Variants in UNC45A observed in about 807,000 individuals in gnomAD.
UNC45A encodes protein unc-45 homolog A.
UNC45A carries 78 observed loss-of-function variants against 103.2 expected under a neutral mutation model. The ratio of observed to expected loss-of-function variants is 0.76; its 90% CI spans 0.63 to 0.91. UNC45A has a LOEUF of 0.91. UNC45A is among the 40% of genes least tolerant of loss of function. UNC45A has a pLI of 0.00. For synonymous variants in UNC45A, 495 were observed against 504.6 expected, an observed-to-expected ratio of 0.98 and a Z score of 0.25; for missense variants, 1,193 against 1,224.8, an observed-to-expected ratio of 0.97 and a Z score of 0.39.
Position 90,939,583 on chromosome 15 carries a change from T to C in UNC45A, c.427-148T>C, listed in dbSNP as rs998271814. On this transcript the variant is annotated intron_variant, in intron 4 of 19. Transcript: ENST00000418476. The stretch of plus-strand genomic sequence containing the variant: ...TAGGAGGCACTGCCAGGCAAGTCTC[T>C]TCCTGCCCAGGGTAGCTAGGTGCTA... The C allele has an allele frequency of 4.0e-5, 29 of 721,706 alleles. No individual in the cohort carries two copies. The African/African-American group carries it at 4.1e-4, about 10-fold the overall frequency. 44.7% of individuals were successfully genotyped at this position (721,706 alleles called of 1,614,324 possible). A position where few individuals can be genotyped will look rare whatever the true frequency, so the allele number is the denominator to read the frequency against.
At chr15:90,943,140 G>A in intron 8 of UNC45A, 58 bp downstream of exon 8, 2 of 1,534,240 alleles carry the variant, frequency 1.3e-6, no homozygotes, top group Non-Finnish European at 1.8e-6. Flanking sequence ...TTATTCTTAG[G>A]AGTAATAAGA....
chr15:90,932,916 C>G (rs2035855254), upstream of UNC45A: 1 of 200,526 alleles, frequency 5.0e-6, no homozygotes, highest in South Asian at 1.9e-4. Flanking sequence ...AAGAACAATC[C>G]CCACACCCTC....
At chr15:90,936,835 T>A (rs748394812) in intron 4 of UNC45A, among the ~76,000 whole-genome samples, 6 of 152,224 alleles carry the variant, frequency 3.9e-5, no homozygotes, top group Non-Finnish European at 8.8e-5. Flanking sequence ...GCTGTTTCTC[T>A]CAGAGAAACC....
chr15:90,931,777 G>T (rs779117867), upstream of UNC45A: 2 of 1,614,102 alleles, frequency 1.2e-6, no homozygotes, highest in South Asian at 2.2e-5. Flanking sequence ...TGGCCCCGGG[G>T]CTACTGTGGG....
chr15:90,931,716 A>G, upstream of UNC45A: 1 of 1,614,084 alleles, frequency 6.2e-7, no homozygotes, highest in Non-Finnish European at 8.5e-7. Flanking sequence ...TCTGGGGTGC[A>G]GCGATTCAGG....
At position 90,950,497 on chromosome 15, in the gene UNC45A, C is replaced by G; in HGVS notation, c.2188-3C>G. The G allele has an allele frequency of 6.2e-7, 1 of 1,613,740 alleles. No homozygotes were observed. Among genetic ancestry groups the G allele is most frequent in the East Asian group, 2.2e-5 (1 of 44,882 alleles). On this transcript the variant is annotated splice_polypyrimidine_tract_variant and splice_region_variant and intron_variant, in intron 16 of 19. Transcript: ENST00000418476. ...CCCCTGACAGGTGGGGTGCACATTG[C>G]AGATCTATGAGGTGGTCCGGCCCCT...
rs2037081384 is a variant in UNC45A, at chr15:90,954,001, T to G, written c.*285T>G. 2.1e-6 allele frequency: 1 copy of G among 465,744 alleles called. No individual in the cohort carries two copies. The highest frequency in any genetic ancestry group is 4.0e-6 in the Non-Finnish European group (1 of 253,038). 28.9% of individuals were successfully genotyped at this position (465,744 alleles called of 1,614,324 possible). Reference sequence around the variant, plus strand: ...GCATCCCAACACAGCCTGTGGATCCTGGGGCATCTGGAAGGGCGCACACAT... The same window carrying G: ...GCATCCCAACACAGCCTGTGGATCCGGGGGCATCTGGAAGGGCGCACACAT... On this transcript the variant is annotated 3_prime_UTR_variant, in exon 20 of 20. Transcript: ENST00000418476.
At chr15:90,949,628 T>C (rs2036779005) in intron 14 of UNC45A, 26 bp from the exon 15 acceptor site, 1 of 1,613,576 alleles carries the variant, frequency 6.2e-7, no homozygotes, top group African/African-American at 1.3e-5. Context: ...CAGAGCTGCC[T>C]GCCCACCACC....
intron 17 of UNC45A, among the ~76,000 whole-genome samples, chr15:90,951,016 T>C (rs1361652982): frequency 2.6e-5 from 4 of 152,194 alleles, no homozygotes; most frequent in Non-Finnish European, 5.9e-5. Context: ...TTTAGTTTTT[T>C]TTTTTCTTTG....
chr15:90,931,271 CTGATCAGATTG>C (rs756850703), upstream of UNC45A: 93 of 1,550,660 alleles, frequency 6.0e-5, no homozygotes, highest in Non-Finnish European at 8.0e-5. Flanking sequence ...GCTTCAAGCA[CTGATCAGATTG>C]TCAGCCCCCG....
In UNC45A at chr15:90,940,390, C is replaced by A. The variant is rs758584121; in HGVS notation, c.604C>A (p.Arg202Ser). Reference sequence around the variant, plus strand: ...GAGTAATGGGGTTCAGCTCTTGCAACGTTTACTGGACATGGGAGAGACTGA... The same window carrying A: ...GAGTAATGGGGTTCAGCTCTTGCAAAGTTTACTGGACATGGGAGAGACTGA... The part of the protein sequence containing the change: ...FRSNGVQLLQ[R>S]LLDMGETDLM... Residue 202 changes from arginine to serine, a missense_variant, in exon 6 of 20, where the codon CGT (arginine) becomes AGT (serine). By Grantham distance (110) the Arg-to-Ser change is moderately radical. Transcript: ENST00000418476. 3 of 1,614,014 alleles carry A rather than the reference C, an allele frequency of 1.9e-6. No homozygotes were observed. In the African/African-American group the frequency reaches 4.0e-5, roughly 22 times the overall value.
At chr15:90,944,554 T>C (rs554790834) in intron 8 of UNC45A, among the ~76,000 whole-genome samples, 10 of 152,162 alleles carry the variant, frequency 6.6e-5, no homozygotes, top group Middle Eastern at 3.4e-3. Flanking sequence ...ACAGTGGTCC[T>C]ACGAGGTGTG....
upstream of UNC45A, chr15:90,931,947 G>A: frequency 6.2e-7 from 1 of 1,613,766 alleles, no homozygotes; most frequent in South Asian, 1.1e-5. Flanking sequence ...AGGGCCGCCT[G>A]GGGACAAGTT....
In UNC45A at chr15:90,953,272, T is replaced by G. The variant is rs1322172623; in HGVS notation, c.2539T>G (p.Ser847Ala). 3 of 1,612,962 alleles carry G rather than the reference T, an allele frequency of 1.9e-6. No homozygotes were observed. The Admixed American group carries it at 5.0e-5, about 27-fold the overall frequency. Residue 847 changes from serine (S) to alanine (A), a missense_variant, in exon 19 of 20, where the codon TCC (serine) becomes GCC (alanine). Physicochemically the swap from Ser to Ala is moderately conservative, Grantham distance 99 (BLOSUM62 1). Coordinates refer to ENST00000418476, the MANE Select transcript of UNC45A (RefSeq NM_018671.5). ...AAAGGLAMLT[S>A]MRPTLCSRIP... is the part of the protein sequence containing the mutation. Reference sequence around the variant, plus strand: ...TGCCGGGGGCTTGGCCATGCTTACCTCCATGCGGCCCACGCTCTGCAGCCG... The same window carrying G: ...TGCCGGGGGCTTGGCCATGCTTACCGCCATGCGGCCCACGCTCTGCAGCCG...
At chr15:90,931,986 G>T (rs761592237), upstream of UNC45A, 9 of 1,613,796 alleles carry the variant, frequency 5.6e-6, no homozygotes, top group African/African-American at 5.3e-5. Context: ...GTCAGCCAAG[G>T]GTTGCCCATT....
upstream of UNC45A, chr15:90,934,504 T>A (rs1443844844): frequency 7.5e-6 from 3 of 399,012 alleles, no homozygotes; most frequent in Non-Finnish European, 1.3e-5. Context: ...TTTGAGGCCC[T>A]GTACCAAGTC....
In UNC45A at chr15:90,953,647, G is replaced by C. The variant is rs2037061092; in HGVS notation, c.2766G>C (p.Arg922Ser). Residue 922 changes from arginine to serine, a missense_variant, in exon 20 of 20, where the codon AGG becomes AGC. Transcript: ENST00000418476. Reference sequence around the variant, plus strand: ...AGGGTGACCACAGCCCTGTCACAAGGGCTGCTGCAGCCTGCCTGGACAAAG... The same window carrying C: ...AGGGTGACCACAGCCCTGTCACAAGCGCTGCTGCAGCCTGCCTGGACAAAG... ...LAKGDHSPVT[R>S]AAAACLDKAV... 1.9e-6 allele frequency: 3 copies of C among 1,614,002 alleles called. No homozygotes were observed. Among genetic ancestry groups the C allele is most frequent in the Non-Finnish European group, 2.5e-6 (3 of 1,180,034 alleles).
At chr15:90,948,531 G>A (rs769625492) in intron 12 of UNC45A, 123 bp from the exon 13 acceptor site, 47 of 1,469,994 alleles carry the variant, frequency 3.2e-5, no homozygotes, top group Middle Eastern at 2.2e-4. Flanking sequence ...GGAGTTTCCC[G>A]AATTCATCCT....
chr15:90,948,367 T>G, intron 12 of UNC45A, 84 bp downstream of exon 12: 1 of 1,568,358 alleles, frequency 6.4e-7, no homozygotes, highest in African/African-American at 1.3e-5. Flanking sequence ...GCTTGGCCAA[T>G]GGGGTCTTTT....
Sources: gnomAD v4.1 joint callset for allele counts (sites outside exome capture counted in the v4.1 genomes callset) on GRCh38, gnomAD v4.1.1 for gene constraint, MANE v1.5 for transcripts, NCBI Gene and HGNC (gene_info 2026-07-23, HGNC 2026-07-21) for gene names.